The following UNC13C variants were observed in gnomAD, a reference collection of about 807,000 sequenced individuals.
The protein encoded by UNC13C is unc-13 homolog C.
A neutral mutation model predicts 245.4 loss-of-function variants in UNC13C; 174 were observed. The observed-to-expected ratio is 0.71, with a 90% CI of 0.63 to 0.80. The LOEUF (loss-of-function observed/expected upper bound fraction) is 0.80. Among genes scored for constraint, UNC13C ranks in the 30% least tolerant of loss-of-function variants. UNC13C has a pLI of 0.00. For missense variants in UNC13C, 2,829 were observed against 2,602.9 expected, an observed-to-expected ratio of 1.09 and a Z score of -1.89; for synonymous variants, 992 against 895.1, an observed-to-expected ratio of 1.11 and a Z score of -1.93.
At chr15:54,215,863 A>T (rs186486544) in intron 4 of UNC13C, among the ~76,000 whole-genome samples, 1 of 152,126 alleles carries the variant, frequency 6.6e-6, no homozygotes, top group Non-Finnish European at 1.5e-5. Context: ...TAGTCTTCTT[A>T]AAACATCATT....
At chr15:54,549,852 C>T (rs545250319) in intron 28 of UNC13C, among the ~76,000 whole-genome samples, 161 bp downstream of exon 28, 72 of 152,222 alleles carry the variant, frequency 4.7e-4, no homozygotes, top group Admixed American at 3.1e-3. Flanking sequence ...TGTATTGCAG[C>T]ATTTAGCATT....
chr15:54,254,443 A>G (rs1040344298), intron 8 of UNC13C, among the ~76,000 whole-genome samples: 2 of 152,366 alleles, frequency 1.3e-5, no homozygotes, highest in South Asian at 2.1e-4. Flanking sequence ...ACTTGGAAGT[A>G]GGATTCCTTT....
chr15:54,001,477 A>G (rs1236781961), intron 1 of UNC13C, among the ~76,000 whole-genome samples: 1 of 152,182 alleles, frequency 6.6e-6, no homozygotes. Context: ...AAATAGACTA[A>G]TGCAACTGAG....
At chr15:54,422,705 A>C (rs762837550) in intron 19 of UNC13C, among the ~76,000 whole-genome samples, 1 of 151,690 alleles carries the variant, frequency 6.6e-6, no homozygotes, top group African/African-American at 2.4e-5. Flanking sequence ...CCATTCTTCA[A>C]GTCTCATTTC....
chr15:54,172,703 G>GATT (rs1311483864), intron 4 of UNC13C, among the ~76,000 whole-genome samples: 15 of 78,452 alleles, frequency 1.9e-4, no homozygotes, highest in African/African-American at 5.9e-4. Context: ...TACACACACA[G>GATT]ATATATATAT....
chr15:54,388,063 A>G (rs1456233196), intron 17 of UNC13C, among the ~76,000 whole-genome samples: 2 of 152,032 alleles, frequency 1.3e-5, no homozygotes, highest in Non-Finnish European at 2.9e-5. Context: ...CCCTTCACCT[A>G]ATCTCCATTC....
downstream of UNC13C, chr15:54,629,999 G>A (rs1596720367): frequency 6.6e-6 from 1 of 152,136 alleles, no homozygotes; most frequent in African/African-American, 2.4e-5. Flanking sequence ...AACAAAGCCT[G>A]TTATATTTAC....
chr15:54,111,220 T>A (rs1271789198), intron 2 of UNC13C, among the ~76,000 whole-genome samples: 3 of 152,218 alleles, frequency 2.0e-5, no homozygotes, highest in African/African-American at 7.2e-5. Flanking sequence ...CTCCCATATG[T>A]CTTCCTTAGT....
intron 19 of UNC13C, among the ~76,000 whole-genome samples, chr15:54,421,733 G>A (rs958416133): frequency 2.0e-5 from 3 of 152,046 alleles, no homozygotes; most frequent in African/African-American, 7.2e-5. Flanking sequence ...CCTTATGCAA[G>A]TAGAAACTAT....
At chr15:53,853,214 C>T in the UNC13C span, among the ~76,000 whole-genome samples, 1 of 152,080 alleles carries the variant, frequency 6.6e-6, no homozygotes, top group African/African-American at 2.4e-5. Flanking sequence ...GTGTTCTTCC[C>T]CACCATGTGT....
At chr15:53,959,437 A>C in the UNC13C span, among the ~76,000 whole-genome samples, 1 of 152,070 alleles carries the variant, frequency 6.6e-6, no homozygotes, top group South Asian at 2.1e-4. Context: ...CTTTCTCCAT[A>C]TCCTCACCAG....
intron 18 of UNC13C, among the ~76,000 whole-genome samples, chr15:54,412,884 G>C (rs1291328036): frequency 3.3e-5 from 5 of 152,100 alleles, no homozygotes; most frequent in Non-Finnish European, 5.9e-5. Context: ...TCAAGTGTGA[G>C]ACTTAACTAT....
chr15:54,413,293 T>A (rs1233316020), intron 18 of UNC13C, among the ~76,000 whole-genome samples: 1 of 152,010 alleles, frequency 6.6e-6, no homozygotes, highest in Non-Finnish European at 1.5e-5. Flanking sequence ...ACTATAAAGT[T>A]AACATAATCT....
At chr15:53,881,340 C>T in the UNC13C span, among the ~76,000 whole-genome samples, 20,931 of 152,090 alleles carry the variant, frequency 0.14, 1,672 homozygotes, top group East Asian at 0.37. Flanking sequence ...GAATGCTTCC[C>T]GTATTGTCAA....
At chr15:53,899,475 C>G in the UNC13C span, among the ~76,000 whole-genome samples, 1 of 152,222 alleles carries the variant, frequency 6.6e-6, no homozygotes, top group East Asian at 1.9e-4. Flanking sequence ...GAATTACATT[C>G]CAAACTTCTC....
At chr15:54,073,891 C>T (rs1221330716) in intron 2 of UNC13C, among the ~76,000 whole-genome samples, 1 of 152,152 alleles carries the variant, frequency 6.6e-6, no homozygotes, top group Admixed American at 6.6e-5. Flanking sequence ...AATTAGATCC[C>T]ATTTGTCAAT....
chr15:53,938,652 A>T, the UNC13C span, among the ~76,000 whole-genome samples: 1 of 152,180 alleles, frequency 6.6e-6, no homozygotes, highest in Non-Finnish European at 1.5e-5. Flanking sequence ...AAATCATAAC[A>T]ATCCCTCAGA....
chr15:54,445,399 C>A (rs538336832), intron 19 of UNC13C, among the ~76,000 whole-genome samples: 2 of 152,278 alleles, frequency 1.3e-5, no homozygotes, highest in South Asian at 4.1e-4. Context: ...AATGGTTGAA[C>A]TAGTTTACAG....
At chr15:53,979,749 G>T (rs1399964500) in intron 1 of UNC13C, among the ~76,000 whole-genome samples, 1 of 152,142 alleles carries the variant, frequency 6.6e-6, no homozygotes, top group African/African-American at 2.4e-5. Flanking sequence ...GGTGGGTAAT[G>T]CTTATAAAGA....
Sources: gnomAD v4.1 joint callset for allele counts (sites outside exome capture counted in the v4.1 genomes callset) on GRCh38, gnomAD v4.1.1 for gene constraint, MANE v1.5 for transcripts, NCBI Gene and HGNC (gene_info 2026-07-23, HGNC 2026-07-21) for gene names.